GNL3L: variants seen among roughly 807,000 people sequenced by gnomAD.
GNL3L encodes the protein G protein nucleolar 3 like, also known as guanine nucleotide-binding protein-like 3-like protein.
Under a neutral mutation model 42.9 loss-of-function variants are expected in GNL3L, and 4 were observed. The ratio of observed to expected loss-of-function variants is 0.09; its 90% CI spans 0.05 to 0.21. The LOEUF is 0.21. GNL3L is among the 10% of genes least tolerant of loss of function. GNL3L has a pLI of 1.00. For synonymous variants in GNL3L, 159 were observed against 176.3 expected (o/e 0.90, Z 0.78); for missense variants, 412 against 481.7 (o/e 0.86, Z 1.36).
the GNL3L span, among the ~76,000 whole-genome samples, chrX:54,642,685 C>T: frequency 1.8e-5 from 2 of 111,177 alleles, no homozygotes; most frequent in African/African-American, 3.3e-5. Context: ...TGCCAAACCA[C>T]GCAGTATGAA....
exon 17 of GNL3L, among the ~76,000 whole-genome samples, chrX:54,620,880 G>A (rs1399679799): frequency 1.8e-5 from 2 of 112,293 alleles, no homozygotes; most frequent in African/African-American, 6.5e-5. Context: ...GGCTGTCACA[G>A]CTCCAGACAA....
chrX:54,568,781 C>T (rs1413709411), downstream of GNL3L, among the ~76,000 whole-genome samples: 1 of 112,072 alleles, frequency 8.9e-6, no homozygotes, highest in Non-Finnish European at 1.9e-5. Flanking sequence ...TCTTGAACTC[C>T]TGACCTCATG....
intron 1 of GNL3L, 114 bp from the exon 2 acceptor site, chrX:54,532,406 T>C: frequency 2.1e-6 from 1 of 484,953 alleles, no homozygotes; most frequent in Non-Finnish European, 3.6e-6. Context: ...TTCCTAATTA[T>C]TACGCCTTCC....
intron 16 of GNL3L, among the ~76,000 whole-genome samples, chrX:54,600,206 CT>C (rs1172527598): frequency 7.5e-5 from 1 of 13,401 alleles, no homozygotes; most frequent in Non-Finnish European, 1.3e-4. Flanking sequence ...CAATCTGCTG[CT>C]TTTTTTTTTT....
At chrX:54,541,762 T>C (rs1924627411) in intron 5 of GNL3L, among the ~76,000 whole-genome samples, 1 of 111,263 alleles carries the variant, frequency 9.0e-6, no homozygotes, top group African/African-American at 3.3e-5. Context: ...GAGGGGATGT[T>C]GTCTTCCTTC....
At chrX:54,611,601 T>C (rs770644444) in intron 16 of GNL3L, among the ~76,000 whole-genome samples, 7 of 112,408 alleles carry the variant, frequency 6.2e-5, no homozygotes, top group Admixed American at 2.8e-4. Flanking sequence ...ATTTCATTTT[T>C]GACCCAATGC....
At chrX:54,590,142 G>T (rs1378008014) in intron 16 of GNL3L, among the ~76,000 whole-genome samples, 1 of 111,000 alleles carries the variant, frequency 9.0e-6, no homozygotes, top group Non-Finnish European at 1.9e-5. Flanking sequence ...GTTTCACCAG[G>T]TTGGTCAGGC....
At chrX:54,539,006 G>A (rs145448597) in intron 2 of GNL3L, 34 bp from the exon 3 acceptor site, 1,072 of 894,849 alleles carry the variant, frequency 1.2e-3, no homozygotes, top group Middle Eastern at 3.0e-3. Context: ...GTAGATGGAT[G>A]ACGGCTCTTT....
At chrX:54,531,156 G>A (rs1327403131) in intron 1 of GNL3L, among the ~76,000 whole-genome samples, 1 of 112,037 alleles carries the variant, frequency 8.9e-6, no homozygotes, top group Non-Finnish European at 1.9e-5. Context: ...TCCATGAAGA[G>A]ACAGTCAGGT....
rs1009152669 is a variant in GNL3L at position 54,562,724 on chromosome X, C to T, written c.*2122C>T. Among the ~76,000 whole-genome samples the T allele has an allele frequency of 6.5e-5, 7 of 108,193 alleles. No individual in the cohort carries two copies. The highest frequency in any genetic ancestry group is 1.4e-4 in the African/African-American group (4 of 29,540). 94.0% of individuals were successfully genotyped at this position (108,193 alleles called of 115,157 possible). ...AGGAGAATCACTTGATCTCAGGAGG[C>T]GGAGGTTGCAGTGAGTCGACATCAC... On this transcript the variant is annotated 3_prime_UTR_variant, in exon 16 of 16. Coordinates refer to ENST00000360845, the MANE Select transcript of GNL3L (RefSeq NM_001184819.2).
chrX:54,598,282 G>A (rs936028146), intron 16 of GNL3L, among the ~76,000 whole-genome samples: 1 of 111,235 alleles, frequency 9.0e-6, no homozygotes, highest in Non-Finnish European at 1.9e-5. Flanking sequence ...TTTTCTCTGA[G>A]GAGGAGTATT....
chrX:54,580,701 G>A (rs1383511059), intron 16 of GNL3L, among the ~76,000 whole-genome samples: 1 of 112,187 alleles, frequency 8.9e-6, no homozygotes, highest in Admixed American at 9.5e-5. Flanking sequence ...TCTAACTGGT[G>A]TGAGATGGTA....
At chrX:54,571,183 A>G (rs1302691643), downstream of GNL3L, among the ~76,000 whole-genome samples, 2 of 100,339 alleles carry the variant, frequency 2.0e-5, no homozygotes, top group Non-Finnish European at 3.9e-5. Flanking sequence ...TGTTTCTAAG[A>G]TGTCATCCTA....
intron 16 of GNL3L, among the ~76,000 whole-genome samples, chrX:54,602,051 G>A (rs1316187670): frequency 1.8e-5 from 2 of 111,216 alleles, no homozygotes; most frequent in Non-Finnish European, 3.8e-5. Context: ...AAACATTTGT[G>A]TACAGGCTTT....
chrX:54,591,431 A>G (rs1351760859), intron 16 of GNL3L, among the ~76,000 whole-genome samples: 1 of 109,197 alleles, frequency 9.2e-6, no homozygotes, highest in Non-Finnish European at 1.9e-5. Context: ...CATCTCTACT[A>G]AAAATACAAA....
At chrX:54,539,742 T>C (rs769617501) in intron 3 of GNL3L, among the ~76,000 whole-genome samples, 3 of 111,742 alleles carry the variant, frequency 2.7e-5, no homozygotes, top group African/African-American at 6.5e-5. Flanking sequence ...ACTGCTGGTC[T>C]GAGGACCACT....
intron 16 of GNL3L, among the ~76,000 whole-genome samples, chrX:54,589,124 G>A (rs1925832150): frequency 9.0e-6 from 1 of 111,294 alleles, no homozygotes; most frequent in Non-Finnish European, 1.9e-5. Flanking sequence ...CATGGAGAAT[G>A]AGGTATTCAT....
intron 2 of GNL3L, among the ~76,000 whole-genome samples, chrX:54,536,926 AAAGT>A (rs1287243526): frequency 9.0e-6 from 1 of 111,265 alleles, no homozygotes; most frequent in East Asian, 2.8e-4. Flanking sequence ...TTACTTTCAC[AAAGT>A]AAGAGTGATC....
intron 16 of GNL3L, among the ~76,000 whole-genome samples, chrX:54,589,058 G>A (rs1489256987): frequency 1.8e-5 from 2 of 110,490 alleles, no homozygotes; most frequent in African/African-American, 3.3e-5. Flanking sequence ...AGGTATATAT[G>A]TTTATGGAAT....
Sources: gnomAD v4.1 joint callset for allele counts (sites outside exome capture counted in the v4.1 genomes callset) on GRCh38, gnomAD v4.1.1 for gene constraint, MANE v1.5 for transcripts, NCBI Gene and HGNC (gene_info 2026-07-23, HGNC 2026-07-21) for gene names.